The following SNX24 variants were observed in gnomAD, a reference collection of about 807,000 sequenced individuals.
SNX24 encodes the protein sorting nexin 24.
A neutral mutation model predicts 28.7 loss-of-function variants in SNX24; 22 were observed. The observed-to-expected ratio is 0.77, with a 90% confidence interval of 0.55 to 1.10. The LOEUF (loss-of-function observed/expected upper bound fraction) is 1.10, where lower values mean the gene tolerates loss of function less well. Among genes scored for constraint, SNX24 ranks in the 50% least tolerant of loss-of-function variants. The pLI is 0.00. For missense variants in SNX24, 221 were observed against 201.1 expected (o/e 1.10, Z -0.60); for synonymous variants, 69 against 71.5 (o/e 0.96, Z 0.18).
chr5:122,859,717 G>T (rs1482373903), intron 1 of SNX24, among the ~76,000 whole-genome samples: 3 of 152,206 alleles, frequency 2.0e-5, no homozygotes, highest in African/African-American at 7.2e-5. Flanking sequence ...CCATCAGGAA[G>T]TCTTGAGAAC....
At chr5:122,917,100 C>G (rs1057053358) in intron 1 of SNX24, among the ~76,000 whole-genome samples, 3 of 152,030 alleles carry the variant, frequency 2.0e-5, no homozygotes, top group African/African-American at 7.2e-5. Context: ...AACTCCGTCT[C>G]TACTAAAAAT....
chr5:122,950,518 C>T (rs1759892990), intron 3 of SNX24, among the ~76,000 whole-genome samples: 1 of 152,168 alleles, frequency 6.6e-6, no homozygotes, highest in Non-Finnish European at 1.5e-5. Context: ...AAAAGGGCTG[C>T]AACAGTTCCA....
chr5:122,916,830 G>T (rs920329943), intron 1 of SNX24, among the ~76,000 whole-genome samples: 12 of 152,104 alleles, frequency 7.9e-5, no homozygotes, highest in African/African-American at 2.9e-4. Flanking sequence ...TTGGGATGTG[G>T]GCTCTTTATG....
chr5:122,980,407 A>G (rs1160088581), intron 3 of SNX24, among the ~76,000 whole-genome samples: 1 of 152,092 alleles, frequency 6.6e-6, no homozygotes, highest in Non-Finnish European at 1.5e-5. Context: ...GGAGAGAGGC[A>G]AGTTCACTTT....
intron 1 of SNX24, among the ~76,000 whole-genome samples, chr5:122,891,504 T>C (rs927012928): frequency 1.5e-4 from 23 of 152,330 alleles, no homozygotes; most frequent in Non-Finnish European, 2.8e-4. Flanking sequence ...TTTTCAGTGA[T>C]GATGTATTCA....
At chr5:123,028,565 A>G in intron 5 of SNX24, 1 of 452,238 alleles carries the variant, frequency 2.2e-6, no homozygotes, top group African/African-American at 2.0e-5. Context: ...AATAAACACC[A>G]AAACAATCCT....
At chr5:122,931,006 A>T (rs1758929317) in intron 1 of SNX24, among the ~76,000 whole-genome samples, 1 of 152,232 alleles carries the variant, frequency 6.6e-6, no homozygotes, top group Non-Finnish European at 1.5e-5. Flanking sequence ...CCAGTTTCCA[A>T]AAACCTCTAT....
chr5:122,866,865 CATT>C (rs1025386168), intron 1 of SNX24, among the ~76,000 whole-genome samples: 31 of 152,288 alleles, frequency 2.0e-4, no homozygotes, highest in East Asian at 9.6e-4. Flanking sequence ...TCATCAGAAT[CATT>C]GTTGTGTCTC....
chr5:122,960,890 A>G (rs1760461745), intron 3 of SNX24, among the ~76,000 whole-genome samples: 1 of 152,246 alleles, frequency 6.6e-6, no homozygotes, highest in African/African-American at 2.4e-5. Context: ...AGTTTAGAAC[A>G]GTATCTAATT....
chr5:122,871,252 G>C lies in SNX24; in HGVS notation c.60+25559G>C, dbSNP rs116654549. ...AGATTCTCATGCAATAGGGGCTCAG[G>C]CTCTGGTACTGTTTAAAAACTCTCC... On this transcript the variant is annotated intron_variant, in intron 1 of 6. Coordinates refer to ENST00000261369, the MANE Select transcript of SNX24 (RefSeq NM_014035.4). Among the ~76,000 whole-genome samples the C allele has an allele frequency of 4.7e-3, 719 of 152,260 alleles. 2 individuals are homozygous for C. The highest frequency in any genetic ancestry group is 0.017 in the African/African-American group (688 of 41,542).
At chr5:122,948,586 G>T (rs1446448872) in intron 3 of SNX24, 2 of 152,274 alleles carry the variant, frequency 1.3e-5, no homozygotes, top group African/African-American at 4.8e-5. Context: ...GCTCTTGAGG[G>T]GGTCAGAGAA....
intron 5 of SNX24, chr5:123,023,806 C>T: frequency 8.7e-7 from 1 of 1,146,866 alleles, no homozygotes. Context: ...AAAGACAACA[C>T]AACACACACA....
intron 1 of SNX24, among the ~76,000 whole-genome samples, chr5:122,884,896 G>A (rs2150064537): frequency 6.6e-6 from 1 of 152,296 alleles, no homozygotes; most frequent in South Asian, 2.1e-4. Context: ...TGCCTCCATT[G>A]TGGAAAACAA....
At chr5:122,884,251 C>CTTTTTTTTTTTTTTTTT (rs758617172) in intron 1 of SNX24, among the ~76,000 whole-genome samples, 21 of 92,756 alleles carry the variant, frequency 2.3e-4, no homozygotes, top group Non-Finnish European at 2.9e-4. Context: ...GTTTCTTTTT[C>CTTTTTTTTTTTTTTTTT]TTTTTTTTTT....
chr5:122,994,044 G>A (rs1761963610), intron 3 of SNX24, among the ~76,000 whole-genome samples: 1 of 152,116 alleles, frequency 6.6e-6, no homozygotes, highest in Admixed American at 6.5e-5. Context: ...AAAGAAGTGT[G>A]TGTGTGTGTA....
chr5:122,923,441 G>T (rs1221892173), intron 1 of SNX24, among the ~76,000 whole-genome samples: 1 of 152,072 alleles, frequency 6.6e-6, no homozygotes, highest in Non-Finnish European at 1.5e-5. Context: ...CTTTCCTCTT[G>T]TAAGTGGGGA....
chr5:122,952,484 A>G (rs1439395871), intron 3 of SNX24, among the ~76,000 whole-genome samples: 1 of 152,140 alleles, frequency 6.6e-6, no homozygotes, highest in Non-Finnish European at 1.5e-5. Context: ...CGCTCCACTC[A>G]TACGGTTTGC....
chr5:122,855,315 G>A (rs747996138), intron 1 of SNX24, among the ~76,000 whole-genome samples: 8 of 152,180 alleles, frequency 5.3e-5, no homozygotes, highest in South Asian at 4.2e-4. Flanking sequence ...TGATCTGCTC[G>A]CCTCAGCCTC....
At chr5:122,942,866 C>T (rs1759520620) in intron 2 of SNX24, among the ~76,000 whole-genome samples, 1 of 152,128 alleles carries the variant, frequency 6.6e-6, no homozygotes. Context: ...TCATGGATCC[C>T]AGCAGCTATG....
Sources: allele counts gnomAD v4.1 joint callset (sites outside exome capture counted in the v4.1 genomes callset), GRCh38; gene constraint gnomAD v4.1.1; transcripts MANE v1.5; gene names NCBI Gene and HGNC (gene_info 2026-07-23, HGNC 2026-07-21).